The following TRDN variants were observed in gnomAD, a reference collection of about 807,000 sequenced individuals.
TRDN encodes triadin, also known as triadin in skeletal muscle.
Under a neutral mutation model 149.7 loss-of-function variants are expected in TRDN, and 161 were observed. The ratio of observed to expected loss-of-function variants is 1.08; its 90% CI spans 0.95 to 1.23. TRDN has a LOEUF of 1.23. Among genes scored for constraint, TRDN ranks in the 50% most tolerant of loss-of-function variants. TRDN has a pLI of 0.00. For missense variants in TRDN, 896 were observed against 823.5 expected (o/e 1.09, Z -1.08); for synonymous variants, 294 against 250.5 (o/e 1.17, Z -1.64).
intron 24 of TRDN, among the ~76,000 whole-genome samples, chr6:123,305,392 T>A (rs948309830): frequency 1.3e-5 from 2 of 152,198 alleles, no homozygotes; most frequent in South Asian, 2.1e-4. Context: ...TTTTAGTTAT[T>A]GTTATCTATC....
chr6:123,562,325 G>A (rs887859245), intron 2 of TRDN, among the ~76,000 whole-genome samples: 6 of 152,204 alleles, frequency 3.9e-5, no homozygotes, highest in Non-Finnish European at 8.8e-5. Flanking sequence ...CATGTTTGGT[G>A]GTCTCTTCAC....
chr6:123,629,629 A>G (rs948786535), intron 1 of TRDN, among the ~76,000 whole-genome samples: 1 of 152,118 alleles, frequency 6.6e-6, no homozygotes, highest in African/African-American at 2.4e-5. Context: ...GAAAATATCT[A>G]AACCACATAT....
In TRDN at chr6:123,622,383, G is replaced by A. The variant is rs1785443201; in HGVS notation, c.22+14371C>T. Among the ~76,000 whole-genome samples the A allele has an allele frequency of 4.6e-5, 7 of 151,368 alleles. No individual in the cohort carries two copies. In the South Asian group the frequency reaches 1.2e-3, roughly 27 times the overall value. On this transcript the variant is annotated intron_variant, in intron 1 of 40. Coordinates refer to ENST00000334268, the MANE Select transcript of TRDN (RefSeq NM_006073.4). Reference sequence around the variant, plus strand: ...CACACATATAACATACAAAATATGTGTTAATCAACAATGTTTTTGGTAAAG... The same window carrying A: ...CACACATATAACATACAAAATATGTATTAATCAACAATGTTTTTGGTAAAG...
intron 10 of TRDN, among the ~76,000 whole-genome samples, chr6:123,448,676 A>G (rs1476261427): frequency 6.6e-6 from 1 of 151,882 alleles, no homozygotes; most frequent in Non-Finnish European, 1.5e-5. Context: ...ACAAAAGGCC[A>G]CGCCCACTAC....
chr6:123,230,675 G>A (rs777275403), intron 38 of TRDN, among the ~76,000 whole-genome samples: 4 of 151,692 alleles, frequency 2.6e-5, no homozygotes, highest in African/African-American at 7.3e-5. Context: ...TTTCATAGAT[G>A]GTTGGAATCT....
intron 4 of TRDN, among the ~76,000 whole-genome samples, chr6:123,532,081 T>C (rs1363669066): frequency 6.6e-6 from 1 of 152,012 alleles, no homozygotes; most frequent in African/African-American, 2.4e-5. Flanking sequence ...TGTCTAGACC[T>C]ATACTATCCA....
At chr6:123,362,209 T>C (rs1015880292) in intron 20 of TRDN, among the ~76,000 whole-genome samples, 5 of 152,212 alleles carry the variant, frequency 3.3e-5, no homozygotes, top group Non-Finnish European at 5.9e-5. Context: ...AGTGCTAACA[T>C]AATCTCTCTC....
At chr6:123,291,492 G>A (rs1377961225) in intron 24 of TRDN, among the ~76,000 whole-genome samples, 2 of 151,006 alleles carry the variant, frequency 1.3e-5, no homozygotes, top group African/African-American at 4.9e-5. Context: ...ATGAACCCGG[G>A]AGGCAGAGCT....
In TRDN at chr6:123,367,150, T is replaced by C. The variant is rs77354805; in HGVS notation, c.1274-968A>G. ...GTTGGGGCTAGGACAGAGTATTGGA[T>C]CACAAATCAAAGCTAGTTAAAGTCA... On this transcript the variant is annotated intron_variant, in intron 19 of 40. Coordinates refer to ENST00000334268, the MANE Select transcript of TRDN (RefSeq NM_006073.4). 5.5e-3 allele frequency among the ~76,000 whole-genome samples: 839 copies of C among 152,136 alleles called. 16 individuals carry two copies. In the East Asian group the frequency reaches 0.075, roughly 14 times the overall value.
Position 123,584,504 on chromosome 6 carries a change from G to A in TRDN, c.23-13372C>T, listed in dbSNP as rs540651576. 7.1e-4 allele frequency among the ~76,000 whole-genome samples: 108 copies of A among 152,178 alleles called. 2 individuals are homozygous for A. In the East Asian group the frequency reaches 0.014, roughly 19 times the overall value. On this transcript the variant is annotated intron_variant, in intron 1 of 40. Transcript: ENST00000334268. ...GCACTAACCATGCCTAGGAAGGAAA[G>A]GAGTTGTTGTTTTGTAAGGGATTGA...
At chr6:123,418,816 AG>A (rs1213500242) in intron 12 of TRDN, among the ~76,000 whole-genome samples, 2 of 152,068 alleles carry the variant, frequency 1.3e-5, no homozygotes, top group Non-Finnish European at 2.9e-5. Flanking sequence ...CTCCCAGCAA[AG>A]CATTCTGTTT....
intron 2 of TRDN, among the ~76,000 whole-genome samples, chr6:123,561,626 C>T (rs953273413): frequency 1.6e-4 from 25 of 152,256 alleles, no homozygotes; most frequent in African/African-American, 4.6e-4. Flanking sequence ...ATTTTCAGTC[C>T]TTTAATACCT....
At chr6:123,315,582 A>G (rs990529401) in intron 24 of TRDN, among the ~76,000 whole-genome samples, 1 of 151,988 alleles carries the variant, frequency 6.6e-6, no homozygotes, top group Non-Finnish European at 1.5e-5. Flanking sequence ...AAAAATTTTT[A>G]GACCAACATC....
In TRDN at chr6:123,404,665, G is replaced by C. The variant is rs188999824; in HGVS notation, c.1052-10988C>G. Among the ~76,000 whole-genome samples the C allele has an allele frequency of 1.8e-3, 273 of 151,986 alleles. 2 individuals are homozygous for C. Among genetic ancestry groups the C allele is most frequent in the African/African-American group, 6.3e-3 (260 of 41,460 alleles). ...CTGCCACGTTGGCCAGGTTTGTTTC[G>C]AACTCTTGACCTCAGGTGATCCACT... On this transcript the variant is annotated intron_variant, in intron 12 of 40. Coordinates refer to ENST00000334268, the MANE Select transcript of TRDN (RefSeq NM_006073.4).
At chr6:123,337,808 G>A in intron 21 of TRDN, 139 bp from the exon 22 acceptor site, 1 of 503,504 alleles carries the variant, frequency 2.0e-6, no homozygotes. Context: ...ATGTCTCCAG[G>A]CATATGTTGT....
intron 20 of TRDN, among the ~76,000 whole-genome samples, chr6:123,360,200 A>G (rs561365233): frequency 6.6e-6 from 1 of 152,270 alleles, no homozygotes; most frequent in Admixed American, 6.5e-5. Context: ...TTGAACATAC[A>G]AGCCTGAAAT....
chr6:123,229,683 A>G (rs1374898214), intron 38 of TRDN, among the ~76,000 whole-genome samples: 1 of 151,926 alleles, frequency 6.6e-6, no homozygotes, highest in Non-Finnish European at 1.5e-5. Flanking sequence ...AGATGATTTA[A>G]AGACTTGATC....
intron 32 of TRDN, among the ~76,000 whole-genome samples, chr6:123,267,501 C>T (rs1009222293): frequency 6.6e-6 from 1 of 151,986 alleles, no homozygotes; most frequent in African/African-American, 2.4e-5. Flanking sequence ...TAATTTTGCT[C>T]TATCATAATT....
chr6:123,511,094 A>C (rs926231079), intron 7 of TRDN, among the ~76,000 whole-genome samples: 1 of 152,172 alleles, frequency 6.6e-6, no homozygotes, highest in African/African-American at 2.4e-5. Context: ...TGTTTTCTTC[A>C]AGTAGTTTCA....
Sources: gnomAD v4.1 joint callset for allele counts (sites outside exome capture counted in the v4.1 genomes callset) on GRCh38, gnomAD v4.1.1 for gene constraint, MANE v1.5 for transcripts, NCBI Gene and HGNC (gene_info 2026-07-23, HGNC 2026-07-21) for gene names.